CAMK4: variants seen among roughly 807,000 people sequenced by gnomAD.
CAMK4 encodes the protein calcium/calmodulin-dependent protein kinase type IV.
Under a neutral mutation model 44.9 loss-of-function variants are expected in CAMK4, and 22 were observed. The ratio of observed to expected loss-of-function variants is 0.49; its 90% CI spans 0.35 to 0.70. The LOEUF is 0.70. Among genes scored for constraint, CAMK4 ranks in the 30% least tolerant of loss-of-function variants. CAMK4 has a pLI of 0.01. For synonymous variants in CAMK4, 218 were observed against 215.4 expected (o/e 1.01, Z -0.11); for missense variants, 498 against 586.8 (o/e 0.85, Z 1.56).
intron 5 of CAMK4, among the ~76,000 whole-genome samples, chr5:111,420,202 G>A (rs1752972975): frequency 6.6e-6 from 1 of 151,924 alleles, no homozygotes; most frequent in Admixed American, 6.6e-5. Flanking sequence ...TCTCTTTGAA[G>A]CAATTGTGAA....
chr5:111,393,916 A>G (rs1751902892), intron 4 of CAMK4, among the ~76,000 whole-genome samples: 1 of 151,168 alleles, frequency 6.6e-6, no homozygotes, highest in African/African-American at 2.4e-5. Context: ...AAGCAGGGAA[A>G]CTCTAAAGAT....
chr5:111,292,782 T>G (rs1036963631), intron 1 of CAMK4, among the ~76,000 whole-genome samples: 1 of 151,828 alleles, frequency 6.6e-6, no homozygotes, highest in Non-Finnish European at 1.5e-5. Flanking sequence ...AAAGAAAATA[T>G]TAGCTGGGTG....
At chr5:111,278,982 T>G (rs548036151) in intron 1 of CAMK4, among the ~76,000 whole-genome samples, 4 of 152,280 alleles carry the variant, frequency 2.6e-5, no homozygotes, top group South Asian at 4.1e-4. Flanking sequence ...ATACAACCTC[T>G]GGGGCAACCG....
chr5:111,394,140 G>A (rs186370826), intron 4 of CAMK4, among the ~76,000 whole-genome samples: 1 of 152,106 alleles, frequency 6.6e-6, no homozygotes, highest in East Asian at 1.9e-4. Flanking sequence ...AATTTAACAT[G>A]TTTCAGACAA....
intron 1 of CAMK4, among the ~76,000 whole-genome samples, chr5:111,321,084 G>A (rs541652589): frequency 2.0e-4 from 30 of 152,246 alleles, no homozygotes; most frequent in Non-Finnish European, 4.0e-4. Flanking sequence ...TACACCCCTG[G>A]AAGTGAGCCT....
intron 9 of CAMK4, among the ~76,000 whole-genome samples, chr5:111,479,982 C>T (rs140205531): frequency 6.6e-6 from 1 of 151,954 alleles, no homozygotes; most frequent in Admixed American, 6.6e-5. Flanking sequence ...ATAAATAAAT[C>T]GCATCATGTC....
chr5:111,428,699 T>A, intron 5 of CAMK4, among the ~76,000 whole-genome samples: 1 of 151,594 alleles, frequency 6.6e-6, no homozygotes, highest in Non-Finnish European at 1.5e-5. Flanking sequence ...GACAAAAGAA[T>A]AAAAAACAGT....
chr5:111,354,619 G>GCT (rs1750254933), intron 2 of CAMK4, among the ~76,000 whole-genome samples: 1 of 151,810 alleles, frequency 6.6e-6, no homozygotes. Flanking sequence ...TGAGGCAGGA[G>GCT]AATCACTTGA....
At chr5:111,257,183 G>A (rs1271248896) in intron 1 of CAMK4, among the ~76,000 whole-genome samples, 1 of 152,142 alleles carries the variant, frequency 6.6e-6, no homozygotes, top group Non-Finnish European at 1.5e-5. Flanking sequence ...CTTCTACACA[G>A]CAAAAGAATC....
chr5:111,359,788 A>G (rs952073591), intron 2 of CAMK4, among the ~76,000 whole-genome samples: 1 of 151,904 alleles, frequency 6.6e-6, no homozygotes, highest in African/African-American at 2.4e-5. Flanking sequence ...TCCAGTTTTA[A>G]TCTTCACTCC....
intron 2 of CAMK4, among the ~76,000 whole-genome samples, chr5:111,367,014 G>C (rs142946612): frequency 1.3e-5 from 2 of 151,706 alleles, no homozygotes; most frequent in Admixed American, 1.3e-4. Flanking sequence ...CAAGAGCAAT[G>C]ACAAATAAAT....
intron 1 of CAMK4, among the ~76,000 whole-genome samples, chr5:111,316,100 G>A (rs931087335): frequency 1.1e-4 from 16 of 152,080 alleles, no homozygotes; most frequent in Non-Finnish European, 2.1e-4. Context: ...ATAATAAAGA[G>A]GAAATTGACA....
intron 1 of CAMK4, among the ~76,000 whole-genome samples, chr5:111,321,051 C>T (rs1341760134): frequency 2.6e-5 from 4 of 152,122 alleles, no homozygotes. Flanking sequence ...ATGAAATAAG[C>T]TCTAATAATT....
rs1331757596 is a variant in CAMK4, at chr5:111,489,108, A to G, written c.*4642A>G. 1 of 152,222 alleles carries G rather than the reference A, an allele frequency of 6.6e-6. No individual in the cohort carries two copies. Among genetic ancestry groups the G allele is most frequent in the East Asian group, 1.9e-4 (1 of 5,202 alleles). 9.4% of individuals were successfully genotyped at this position (152,222 alleles called of 1,614,324 possible). A position where few individuals can be genotyped will look rare whatever the true frequency, so the allele number is the denominator to read the frequency against. ...GTGTCTGCATTTAAAAAAATTGTGT[A>G]CATGTTATTTCACTATTGGTATTAC... On this transcript the variant is annotated 3_prime_UTR_variant, in exon 11 of 11. Transcript: ENST00000282356.
intron 1 of CAMK4, among the ~76,000 whole-genome samples, chr5:111,320,479 A>G (rs1288965463): frequency 6.8e-6 from 1 of 148,032 alleles, no homozygotes; most frequent in Admixed American, 6.8e-5. Context: ...TTCATATATG[A>G]TATTGCCCTT....
intron 8 of CAMK4, among the ~76,000 whole-genome samples, chr5:111,476,121 T>C (rs74570432): frequency 6.6e-6 from 1 of 152,150 alleles, no homozygotes; most frequent in Non-Finnish European, 1.5e-5. Context: ...GGGCTGTTTT[T>C]TTTTAATAAA....
At chr5:111,455,967 C>A (rs536684067) in intron 7 of CAMK4, among the ~76,000 whole-genome samples, 1 of 152,198 alleles carries the variant, frequency 6.6e-6, no homozygotes, top group African/African-American at 2.4e-5. Context: ...TGCACAGTAC[C>A]TGGTAACTAA....
At chr5:111,449,407 C>G (rs112549063) in intron 7 of CAMK4, among the ~76,000 whole-genome samples, 7 of 152,288 alleles carry the variant, frequency 4.6e-5, no homozygotes, top group African/African-American at 1.7e-4. Flanking sequence ...GGTTTTAGGG[C>G]ACTGCTGTTA....
At chr5:111,236,441 A>G (rs190544681) in intron 1 of CAMK4, among the ~76,000 whole-genome samples, 3 of 152,386 alleles carry the variant, frequency 2.0e-5, no homozygotes, top group Admixed American at 1.3e-4. Flanking sequence ...ATTCACAAGG[A>G]TGAGCCTGAG....
Sources: gnomAD v4.1 joint callset for allele counts (sites outside exome capture counted in the v4.1 genomes callset) on GRCh38, gnomAD v4.1.1 for gene constraint, MANE v1.5 for transcripts, NCBI Gene and HGNC (gene_info 2026-07-23, HGNC 2026-07-21) for gene names.